Variants in CORO7 observed in about 807,000 individuals in gnomAD.
The protein encoded by CORO7 is coronin-7.
CORO7 carries 107 observed loss-of-function variants against 126.6 expected under a neutral mutation model. That is an observed-to-expected ratio of 0.85 (90% confidence interval 0.72 to 0.99). The LOEUF (loss-of-function observed/expected upper bound fraction) is 0.99. Among genes scored for constraint, CORO7 ranks in the 50% least tolerant of loss-of-function variants. The probability of loss-of-function intolerance (pLI) is 0.00; values close to 1 mark genes in which losing one functional copy is unlikely to be tolerated. For synonymous variants in CORO7, 603 were observed against 536.8 expected (o/e 1.12, Z -1.70); for missense variants, 1,314 against 1,255.8 (o/e 1.05, Z -0.70).
intron 16 of CORO7, 84 bp downstream of exon 16, chr16:4,361,899 CTG>C (rs1172418786): frequency 6.5e-7 from 1 of 1,532,854 alleles, no homozygotes; most frequent in African/African-American, 1.4e-5. Context: ...TTTGTGCTCC[CTG>C]TGTTGTGTGG....
At chr16:4,386,980 T>C (rs892161111) in intron 9 of CORO7, among the ~76,000 whole-genome samples, 1 of 152,220 alleles carries the variant, frequency 6.6e-6, no homozygotes, top group Non-Finnish European at 1.5e-5. Context: ...CTGTTGCCTG[T>C]GACTCAGTTT....
rs1414178203 is a variant in CORO7, at chr16:4,365,518, GT to G, written c.812del (p.Asp271AlafsTer27). 2 of 1,580,498 alleles carry G rather than the reference GT, an allele frequency of 1.3e-6. No homozygotes were observed. The highest frequency in any genetic ancestry group is 2.7e-5 in the African/African-American group (2 of 74,144). On this transcript the variant is annotated frameshift_variant, in exon 10 of 28. Coordinates refer to ENST00000251166, the MANE Select transcript of CORO7 (RefSeq NM_024535.5). LOFTEE classifies it high-confidence loss of function. ...LGCLVPLLDP[D>X]SGLLVLAGKG... ...TTCCTGCCAGGACCAGGAGCCCAGA[GT>G]CAGGGTCCAGCAGAGGCACGAGACA...
chr16:4,387,845 G>T (rs1227151894), intron 9 of CORO7, 141 bp downstream of exon 9: 5 of 1,050,802 alleles, frequency 4.8e-6, no homozygotes, highest in African/African-American at 1.6e-5. Flanking sequence ...GGTGTCTGTT[G>T]CAAGGCCTTG....
At chr16:4,399,801 G>A (rs1445991182) in intron 6 of CORO7, among the ~76,000 whole-genome samples, 1 of 151,872 alleles carries the variant, frequency 6.6e-6, no homozygotes, top group Non-Finnish European at 1.5e-5. Context: ...TGAGGTGGGA[G>A]GACTGCTTGA....
At chr16:4,398,435 T>TG (rs1237483201) in intron 6 of CORO7, among the ~76,000 whole-genome samples, 1 of 150,596 alleles carries the variant, frequency 6.6e-6, no homozygotes, top group Admixed American at 6.6e-5. Context: ...AAGCCAAGGC[T>TG]GGGGGGAATC....
In CORO7 at chr16:4,381,549, C is replaced by T. The variant is rs148925172; in HGVS notation, c.785+6437G>A. ...GCAACCTCCACGACCTGGATGTGTC[C>T]GACAACCAGCTGGAGCGAGTGCCAC... On this transcript the variant is annotated intron_variant, in intron 9 of 27. Transcript: ENST00000251166. The T allele has an allele frequency of 1.1e-3, 1,831 of 1,604,766 alleles. 3 individuals are homozygous for T. The highest frequency in any genetic ancestry group is 2.4e-3 in the Admixed American group (140 of 59,032).
chr16:4,383,155 C>A, intron 9 of CORO7: 1 of 459,164 alleles, frequency 2.2e-6, no homozygotes, highest in Non-Finnish European at 3.9e-6. Flanking sequence ...CCCTCCGCAA[C>A]GTGCAGTCCC....
At chr16:4,382,323 C>T (rs1345556195) in intron 9 of CORO7, 1 of 1,611,268 alleles carries the variant, frequency 6.2e-7, no homozygotes, top group Non-Finnish European at 8.5e-7. Context: ...GGCTGCAGCG[C>T]TACCTCCAGG....
Position 4,362,930 on chromosome 16 carries a change from A to C in CORO7, c.1276-192T>G. ...ACACAGGGAAGCAGCCGAGCTTCAG[A>C]CCGCGGGGACAGCAAGTGGCAGCTG... On this transcript the variant is annotated intron_variant, in intron 14 of 27. Transcript: ENST00000251166. The surrounding 1 kb of genome is among the most constrained non-coding windows in gnomAD (Gnocchi z 5.3). The C allele has an allele frequency of 3.4e-6, 2 of 583,094 alleles. No homozygotes were observed. Among genetic ancestry groups the C allele is most frequent in the Middle Eastern group, 5.2e-4 (1 of 1,922 alleles). The allele number at this position is 583,094 out of a possible 1,614,324, so 36.1% of individuals were successfully genotyped here. A position where few individuals can be genotyped will look rare whatever the true frequency, so the allele number is the denominator to read the frequency against.
chr16:4,412,660 C>T (rs1336287227), intron 2 of CORO7: 1 of 543,440 alleles, frequency 1.8e-6, no homozygotes, highest in East Asian at 3.0e-5. Context: ...GGCGAGAGGT[C>T]CTCTCTTTTT....
At position 4,405,574 on chromosome 16, in the gene CORO7, A is replaced by G; in HGVS notation, c.488-7T>C. 6.2e-7 allele frequency: 1 copy of G among 1,612,022 alleles called. No individual in the cohort carries two copies. Among genetic ancestry groups the G allele is most frequent in the Non-Finnish European group, 8.5e-7 (1 of 1,179,616 alleles). ...TCCCCATGGGCTGCCAGCTCTGCAGAGAAGCAGTCACAGTCAGGTCCCGGG... is the reference window on the plus strand; with the variant it reads ...TCCCCATGGGCTGCCAGCTCTGCAGGGAAGCAGTCACAGTCAGGTCCCGGG... On this transcript the variant is annotated splice_region_variant and splice_polypyrimidine_tract_variant and intron_variant, in intron 5 of 27. Transcript: ENST00000251166.
chr16:4,410,141 G>C (rs1035599827), intron 3 of CORO7, among the ~76,000 whole-genome samples: 2 of 152,138 alleles, frequency 1.3e-5, no homozygotes, highest in African/African-American at 4.8e-5. Context: ...AGTCAAACAT[G>C]AAGCCAGGTA....
chr16:4,392,862 C>T (rs978910449), intron 7 of CORO7, among the ~76,000 whole-genome samples: 3 of 152,324 alleles, frequency 2.0e-5, no homozygotes, highest in Non-Finnish European at 4.4e-5. Context: ...CGAGCACAGG[C>T]CCCAGCCAGC....
At chr16:4,405,148 C>T (rs906854000) in intron 6 of CORO7, among the ~76,000 whole-genome samples, 9 of 152,366 alleles carry the variant, frequency 5.9e-5, no homozygotes, top group Non-Finnish European at 1.0e-4. Context: ...TGGCCCAGCA[C>T]CTGCGGCCGA....
At chr16:4,376,232 G>A (rs1278851391) in intron 9 of CORO7, among the ~76,000 whole-genome samples, 4 of 152,184 alleles carry the variant, frequency 2.6e-5, no homozygotes, top group African/African-American at 4.8e-5. Flanking sequence ...GAGACGGGGC[G>A]GACCCAGCCG....
chr16:4,389,107 C>T (rs1431984570), intron 7 of CORO7, among the ~76,000 whole-genome samples: 1 of 152,232 alleles, frequency 6.6e-6, no homozygotes, highest in Non-Finnish European at 1.5e-5. Flanking sequence ...AAGGGCAGGG[C>T]TTGTGGCAAA....
intron 23 of CORO7, 115 bp downstream of exon 23, chr16:4,359,181 C>T: frequency 8.3e-7 from 1 of 1,202,376 alleles, no homozygotes; most frequent in East Asian, 2.6e-5. Flanking sequence ...CAGGCCCAGC[C>T]CCAGCCCAGG....
intron 7 of CORO7, among the ~76,000 whole-genome samples, chr16:4,394,705 G>A (rs1218487328): frequency 1.3e-5 from 2 of 152,216 alleles, no homozygotes; most frequent in Non-Finnish European, 2.9e-5. Flanking sequence ...CAGACACAGG[G>A]CCCTGTCCCA....
At position 4,362,884 on chromosome 16, in the gene CORO7, G is replaced by T; in HGVS notation, c.1276-146C>A. 2.1e-6 allele frequency: 2 copies of T among 973,584 alleles called. No homozygotes were observed. The highest frequency in any genetic ancestry group is 4.3e-5 in the South Asian group (1 of 23,154). The allele number at this position is 973,584 out of a possible 1,614,324, so 60.3% of individuals were successfully genotyped here. ...TGGGCATGCGACAGGAGCGGCGGGG[G>T]GCACGGGCATAAACGCAGACACACA... On this transcript the variant is annotated intron_variant, in intron 14 of 27. Transcript: ENST00000251166. This position sits in a 1 kb window ranked among gnomAD's most constrained non-coding sequence, Gnocchi z 5.3.
Sources: gnomAD v4.1 joint callset for allele counts (sites outside exome capture counted in the v4.1 genomes callset) on GRCh38, gnomAD v4.1.1 for gene constraint, Gnocchi (gnomAD v3.1) non-coding constraint, MANE v1.5 for transcripts, NCBI Gene and HGNC (gene_info 2026-07-23, HGNC 2026-07-21) for gene names.